PHF21B: variants seen among roughly 807,000 people sequenced by gnomAD.
PHF21B encodes PHD finger protein 21B.
PHF21B carries 22 observed loss-of-function variants against 62.2 expected under a neutral mutation model. The observed-to-expected ratio is 0.35, with a 90% CI of 0.25 to 0.51. The LOEUF is 0.51. Ranked by LOEUF, PHF21B falls within the 20% of genes least tolerant of loss-of-function variation. The pLI is 0.97. For missense variants in PHF21B, 701 were observed against 707.9 expected (o/e 0.99, Z 0.11); for synonymous variants, 341 against 314.7 (o/e 1.08, Z -0.88).
At chr22:44,968,293 T>C (rs1241379576) in intron 2 of PHF21B, among the ~76,000 whole-genome samples, 1 of 152,190 alleles carries the variant, frequency 6.6e-6, no homozygotes, top group East Asian at 1.9e-4. Context: ...GACTAAGAAA[T>C]GTTTACTCTG....
intron 2 of PHF21B, among the ~76,000 whole-genome samples, chr22:44,922,463 T>C (rs2071554582): frequency 1.3e-5 from 2 of 152,096 alleles, no homozygotes; most frequent in South Asian, 4.1e-4. Context: ...AGAAACCCCA[T>C]CTCTACTAAA....
chr22:44,892,463 C>T (rs932742065), intron 7 of PHF21B, among the ~76,000 whole-genome samples: 1 of 152,246 alleles, frequency 6.6e-6, no homozygotes, highest in African/African-American at 2.4e-5. Flanking sequence ...CCCACTTGAG[C>T]TCAGGTTCCC....
intron 2 of PHF21B, among the ~76,000 whole-genome samples, chr22:45,007,170 G>A (rs1054510995): frequency 7.3e-5 from 11 of 151,412 alleles, no homozygotes; most frequent in African/African-American, 2.7e-4. Context: ...CCAGCCCGGC[G>A]GCCCAGACCA....
At chr22:44,997,128 C>T (rs2073136699) in intron 2 of PHF21B, among the ~76,000 whole-genome samples, 1 of 152,180 alleles carries the variant, frequency 6.6e-6, no homozygotes, top group South Asian at 2.1e-4. Context: ...CTCATCTGGT[C>T]ACACCCCAGA....
At chr22:45,006,325 T>A (rs1422627893) in intron 2 of PHF21B, among the ~76,000 whole-genome samples, 1 of 152,212 alleles carries the variant, frequency 6.6e-6, no homozygotes. Flanking sequence ...GAAACATTTC[T>A]AAAAGGCCGG....
intron 2 of PHF21B, among the ~76,000 whole-genome samples, chr22:44,937,302 G>A (rs5766213): frequency 0.6 from 91,083 of 152,088 alleles, 29,298 homozygotes; most frequent in Admixed American, 0.7. Context: ...GAAGGACCAA[G>A]TTCCAGGGAG....
chr22:44,915,678 G>C (rs1055257741), intron 4 of PHF21B, among the ~76,000 whole-genome samples: 15 of 152,232 alleles, frequency 9.9e-5, no homozygotes, highest in African/African-American at 3.6e-4. Context: ...AGAGAGGGGC[G>C]GCCTGGCAGA....
chr22:44,961,624 T>C (rs986992231), intron 2 of PHF21B, among the ~76,000 whole-genome samples: 1 of 152,080 alleles, frequency 6.6e-6, no homozygotes, highest in African/African-American at 2.4e-5. Context: ...GCAGAGCACC[T>C]GAGGTCAGGA....
intron 2 of PHF21B, among the ~76,000 whole-genome samples, chr22:44,943,605 C>T (rs916457888): frequency 1.1e-4 from 16 of 152,244 alleles, no homozygotes; most frequent in African/African-American, 3.1e-4. Context: ...TGGCTCACAC[C>T]GGGATACTTG....
At position 44,992,544 on chromosome 22, in the gene PHF21B, G is replaced by A. The variant is rs190740182; in HGVS notation, c.120+16001C>T. Among the ~76,000 whole-genome samples the A allele has an allele frequency of 1.4e-4, 22 of 152,354 alleles. No homozygotes were observed. The East Asian group carries it at 2.5e-3, about 17-fold the overall frequency. On this transcript the variant is annotated intron_variant, in intron 2 of 12. Coordinates refer to ENST00000313237, the MANE Select transcript of PHF21B (RefSeq NM_138415.5). Reference sequence around the variant, plus strand: ...TGGAAAACATCTAACAGGCAGGAGCGGAGGCGAGGTGTGTCTTCCACAGGC... The same window carrying A: ...TGGAAAACATCTAACAGGCAGGAGCAGAGGCGAGGTGTGTCTTCCACAGGC...
chr22:44,997,362 A>G (rs2073140270), intron 2 of PHF21B, among the ~76,000 whole-genome samples: 2 of 152,074 alleles, frequency 1.3e-5, no homozygotes, highest in Admixed American at 6.6e-5. Context: ...TGGCCCCAGT[A>G]ACTGTTCTGT....
rs139048908 is a variant in PHF21B, at chr22:44,892,866, C to T, written c.960+591G>A. Among the ~76,000 whole-genome samples the T allele has an allele frequency of 6.2e-3, 949 of 152,296 alleles. 10 individuals carry two copies. Among genetic ancestry groups the T allele is most frequent in the African/African-American group, 0.021 (878 of 41,558 alleles). ...CCTGGGGACATGCTCATGGGAGAGG[C>T]CCTTGTGCTCCCCTATGGCATCCTT... is the stretch of plus-strand genomic sequence containing the variant. On this transcript the variant is annotated intron_variant, in intron 7 of 12. Coordinates refer to ENST00000313237, the MANE Select transcript of PHF21B (RefSeq NM_138415.5).
In PHF21B at chr22:44,926,843, G is replaced by A. The variant is rs2066957; in HGVS notation, c.121-6353C>T. ...TCTGTATCCGGGTGTTGCCATGTGG[G>A]CCGGGAGTGACCGTGTATCTGTGTC... On this transcript the variant is annotated intron_variant, in intron 2 of 12. Coordinates refer to ENST00000313237, the MANE Select transcript of PHF21B (RefSeq NM_138415.5). 9.9e-3 allele frequency among the ~76,000 whole-genome samples: 1,509 copies of A among 152,254 alleles called. 28 individuals carry two copies. The highest frequency in any genetic ancestry group is 0.034 in the African/African-American group (1,413 of 41,522).
chr22:44,960,297 T>G (rs2072391683), intron 2 of PHF21B, among the ~76,000 whole-genome samples: 1 of 152,108 alleles, frequency 6.6e-6, no homozygotes. Context: ...GAGTTCGGTG[T>G]CAGATGACAT....
At chr22:44,963,085 C>A (rs1451517531) in intron 2 of PHF21B, among the ~76,000 whole-genome samples, 1 of 152,268 alleles carries the variant, frequency 6.6e-6, no homozygotes, top group African/African-American at 2.4e-5. Flanking sequence ...GGCTGCCCCC[C>A]AGATCCCTCC....
At chr22:44,929,479 C>T (rs1380671820) in intron 2 of PHF21B, among the ~76,000 whole-genome samples, 1 of 152,226 alleles carries the variant, frequency 6.6e-6, no homozygotes, top group Non-Finnish European at 1.5e-5. Context: ...CAGCTGGCTG[C>T]CCTGTGCCTC....
At position 44,895,140 on chromosome 22, in the gene PHF21B, C is replaced by T. The variant is rs141601662; in HGVS notation, c.883+892G>A. On this transcript the variant is annotated intron_variant, in intron 6 of 12. Coordinates refer to ENST00000313237, the MANE Select transcript of PHF21B (RefSeq NM_138415.5). ...CAGGTGAGGTGGGTGTGGTGGAATACGTTCTGGGTTGGGAGTCAGGAGGCC... is the reference window on the plus strand; with the variant it reads ...CAGGTGAGGTGGGTGTGGTGGAATATGTTCTGGGTTGGGAGTCAGGAGGCC... Among the ~76,000 whole-genome samples the T allele has an allele frequency of 4.6e-3, 705 of 152,272 alleles. 6 individuals carry two copies. Among genetic ancestry groups the T allele is most frequent in the East Asian group, 0.017 (89 of 5,168 alleles).
At chr22:44,900,598 G>A (rs377034296) in intron 5 of PHF21B, among the ~76,000 whole-genome samples, 7 of 152,186 alleles carry the variant, frequency 4.6e-5, no homozygotes, top group African/African-American at 1.7e-4. Flanking sequence ...ACTGCACCCG[G>A]CTAGATTTAC....
chr22:44,998,787 T>C lies in PHF21B; in HGVS notation c.120+9758A>G, dbSNP rs148527387. Among the ~76,000 whole-genome samples, 113 of 152,324 alleles carry C rather than the reference T, an allele frequency of 7.4e-4. 1 individual carries two copies. The East Asian group carries it at 0.019, about 25-fold the overall frequency. ...TGTATTATTGTTAATAAAATAGTAC[T>C]GACAACAGCTCTCTCTACTCAACTC... On this transcript the variant is annotated intron_variant, in intron 2 of 12. Coordinates refer to ENST00000313237, the MANE Select transcript of PHF21B (RefSeq NM_138415.5).
Sources: gnomAD v4.1 joint callset for allele counts (sites outside exome capture counted in the v4.1 genomes callset) on GRCh38, gnomAD v4.1.1 for gene constraint, MANE v1.5 for transcripts, NCBI Gene and HGNC (gene_info 2026-07-23, HGNC 2026-07-21) for gene names.